Variants in RAPGEF6 observed in about 807,000 individuals in gnomAD.
RAPGEF6 encodes Rap guanine nucleotide exchange factor 6.
RAPGEF6 carries 56 observed loss-of-function variants against 171.4 expected under a neutral mutation model. The ratio of observed to expected loss-of-function variants is 0.33; its 90% CI spans 0.26 to 0.41. RAPGEF6 has a LOEUF of 0.41. Ranked by LOEUF, RAPGEF6 falls within the 10% of genes least tolerant of loss-of-function variation. RAPGEF6 has a pLI of 1.00. For synonymous variants in RAPGEF6, 692 were observed against 650.1 expected (o/e 1.06, Z -0.98); for missense variants, 1,674 against 1,921.4 (o/e 0.87, Z 2.41).
At position 131,427,131 on chromosome 5, in the gene RAPGEF6, C is replaced by T. The variant is rs966946789; in HGVS notation, c.*135G>A. ...CATAACTCAGGTCTATTTCATTGCT[C>T]GGAGTAGAGGGAATAAAACCTCTGG... On this transcript the variant is annotated 3_prime_UTR_variant, in exon 28 of 28. Coordinates refer to ENST00000509018, the MANE Select transcript of RAPGEF6 (RefSeq NM_016340.6). The T allele has an allele frequency of 1.1e-5, 9 of 804,904 alleles. No individual in the cohort carries two copies. The highest frequency in any genetic ancestry group is 5.0e-5 in the East Asian group (2 of 40,098). The allele number at this position is 804,904 out of a possible 1,614,324, so 49.9% of individuals were successfully genotyped here.
chr5:131,521,624 CT>C (rs1561532476), intron 6 of RAPGEF6, 103 bp from the exon 7 acceptor site: 2 of 1,026,674 alleles, frequency 1.9e-6, no homozygotes, highest in Non-Finnish European at 2.7e-6. Context: ...TGTGCAATCT[CT>C]TTTTTAACCC....
chr5:131,469,905 C>T (rs1049686284), intron 17 of RAPGEF6: 16 of 963,100 alleles, frequency 1.7e-5, no homozygotes, highest in South Asian at 6.5e-5. Context: ...TCATTTTGAT[C>T]TAGTAATAAC....
chr5:131,461,681 T>C, intron 19 of RAPGEF6, 24 bp downstream of exon 19: 3 of 1,568,992 alleles, frequency 1.9e-6, no homozygotes, highest in Non-Finnish European at 2.6e-6. Flanking sequence ...ATACAGACAT[T>C]TGTACCTATT....
intron 5 of RAPGEF6, among the ~76,000 whole-genome samples, chr5:131,558,524 T>C (rs951977613): frequency 6.6e-6 from 1 of 152,204 alleles, no homozygotes; most frequent in African/African-American, 2.4e-5. Flanking sequence ...TGGCTTGTGA[T>C]TACTATTCAT....
intron 9 of RAPGEF6, among the ~76,000 whole-genome samples, chr5:131,506,456 C>G (rs1459759794): frequency 6.6e-6 from 1 of 152,136 alleles, no homozygotes; most frequent in Non-Finnish European, 1.5e-5. Context: ...TAAAGATCTA[C>G]TATATATCAG....
At chr5:131,467,030 T>TTA (rs2149840861) in intron 17 of RAPGEF6, among the ~76,000 whole-genome samples, 1 of 152,308 alleles carries the variant, frequency 6.6e-6, no homozygotes, top group East Asian at 1.9e-4. Context: ...GGGCTGAGCC[T>TTA]TAGCCAGTGG....
At chr5:131,582,072 T>C (rs1012052581) in intron 4 of RAPGEF6, among the ~76,000 whole-genome samples, 1 of 152,168 alleles carries the variant, frequency 6.6e-6, no homozygotes, top group Non-Finnish European at 1.5e-5. Context: ...CCCACCACCA[T>C]TCACTGACTC....
chr5:131,456,102 G>T, intron 19 of RAPGEF6, 90 bp from the exon 20 acceptor site: 1 of 854,042 alleles, frequency 1.2e-6, no homozygotes, highest in Non-Finnish European at 1.8e-6. Context: ...TCTAATAAAA[G>T]TAAAAATAAG....
At chr5:131,451,332 C>T (rs1349704341) in intron 21 of RAPGEF6, among the ~76,000 whole-genome samples, 1 of 152,044 alleles carries the variant, frequency 6.6e-6, no homozygotes, top group African/African-American at 2.4e-5. Flanking sequence ...GCCTGTAATC[C>T]CAGCACTTTG....
intron 6 of RAPGEF6, among the ~76,000 whole-genome samples, chr5:131,524,851 T>C (rs1407727512): frequency 6.6e-6 from 1 of 152,128 alleles, no homozygotes; most frequent in Non-Finnish European, 1.5e-5. Flanking sequence ...CTTGACCTCA[T>C]GTAATCTGCC....
At chr5:131,559,180 T>C (rs1287410399) in intron 5 of RAPGEF6, among the ~76,000 whole-genome samples, 2 of 151,894 alleles carry the variant, frequency 1.3e-5, no homozygotes, top group Non-Finnish European at 2.9e-5. Flanking sequence ...AATACAAAAA[T>C]TAGCTGCACG....
At chr5:131,432,633 C>T (rs527984141) in intron 25 of RAPGEF6, among the ~76,000 whole-genome samples, 18 of 149,128 alleles carry the variant, frequency 1.2e-4, no homozygotes, top group African/African-American at 2.8e-4. Flanking sequence ...AGCGAGACTC[C>T]GCCTTAAAAA....
At chr5:131,568,482 C>T (rs1762083256) in intron 4 of RAPGEF6, among the ~76,000 whole-genome samples, 1 of 152,062 alleles carries the variant, frequency 6.6e-6, no homozygotes, top group African/African-American at 2.4e-5. Flanking sequence ...AAGTGTACAC[C>T]ACCACACACG....
intron 6 of RAPGEF6, among the ~76,000 whole-genome samples, chr5:131,527,027 T>C (rs1428122306): frequency 6.6e-6 from 1 of 152,136 alleles, no homozygotes; most frequent in Non-Finnish European, 1.5e-5. Context: ...TGAATTTGGT[T>C]CCTATAGACA....
At chr5:131,436,043 T>G in intron 24 of RAPGEF6, 1 of 1,536,864 alleles carries the variant, frequency 6.5e-7, no homozygotes, top group Non-Finnish European at 8.7e-7. Flanking sequence ...AAGATGGCAC[T>G]CCCTTTCTCA....
At chr5:131,571,709 C>T (rs925278444) in intron 4 of RAPGEF6, among the ~76,000 whole-genome samples, 1 of 152,056 alleles carries the variant, frequency 6.6e-6, no homozygotes, top group African/African-American at 2.4e-5. Context: ...TTTTAATTAA[C>T]AAACTGATGC....
intron 15 of RAPGEF6, 40 bp from the exon 16 acceptor site, chr5:131,479,793 T>C (rs778411241): frequency 3.8e-6 from 6 of 1,584,964 alleles, no homozygotes; most frequent in South Asian, 1.2e-5. Context: ...ATTTCTTCTC[T>C]TCAGAAAATT....
chr5:131,614,299 A>AAAAG (rs1298731165), intron 1 of RAPGEF6, among the ~76,000 whole-genome samples: 11 of 147,280 alleles, frequency 7.5e-5, no homozygotes, highest in African/African-American at 2.5e-4. Flanking sequence ...AAAAAAAAAA[A>AAAAG]AAAGAAAGAA....
intron 1 of RAPGEF6, among the ~76,000 whole-genome samples, chr5:131,628,548 G>T (rs1419398896): frequency 7.2e-5 from 11 of 152,172 alleles, no homozygotes; most frequent in Admixed American, 5.2e-4. Context: ...ATCTAGCTAA[G>T]ATAATTAATG....
Sources: allele counts gnomAD v4.1 joint callset (sites outside exome capture counted in the v4.1 genomes callset), GRCh38; gene constraint gnomAD v4.1.1; transcripts MANE v1.5; gene names NCBI Gene and HGNC (gene_info 2026-07-23, HGNC 2026-07-21).